Variants in ASAP1 observed in about 807,000 individuals in gnomAD.
ASAP1 encodes ArfGAP with SH3 domain, ankyrin repeat and PH domain 1.
A neutral mutation model predicts 145.2 loss-of-function variants in ASAP1; 43 were observed. The ratio of observed to expected loss-of-function variants is 0.30; its 90% CI spans 0.23 to 0.38. The LOEUF is 0.38. ASAP1 is among the 10% of genes least tolerant of loss of function. The pLI is 1.00. For missense variants in ASAP1, 1,018 were observed against 1,355.3 expected, an observed-to-expected ratio of 0.75 and a Z score of 3.91; for synonymous variants, 546 against 515.5, an observed-to-expected ratio of 1.06 and a Z score of -0.80.
intron 5 of ASAP1, among the ~76,000 whole-genome samples, chr8:130,212,022 G>C (rs772974820): frequency 6.6e-6 from 1 of 152,148 alleles, no homozygotes; most frequent in East Asian, 1.9e-4. Flanking sequence ...TGACCCCCTC[G>C]GGGTGAGTTG....
chr8:130,224,764 T>G (rs1817495198), intron 4 of ASAP1, among the ~76,000 whole-genome samples: 1 of 152,208 alleles, frequency 6.6e-6, no homozygotes, highest in Non-Finnish European at 1.5e-5. Flanking sequence ...GCTTTTGCCA[T>G]CAAAACACAA....
rs1408473497 is a variant in ASAP1, at chr8:130,188,201, AGAT to A, written c.406-21_406-19del. The A allele has an allele frequency of 1.9e-6, 3 of 1,589,154 alleles. No homozygotes were observed. Among genetic ancestry groups the A allele is most frequent in the Non-Finnish European group, 2.6e-6 (3 of 1,158,250 alleles). ...CCCTGGAGCTGAAAAAGCAAAGGGA[AGAT>A]GGGAGATGGTTAAAAAATAAAGTCC... On this transcript the variant is annotated intron_variant, in intron 5 of 29. Transcript: ENST00000518721.
rs1469827014 is a variant in ASAP1, at chr8:130,358,349, T to TCGGCGCGGGGCC, written c.60-218_60-207dup. 2.7e-5 allele frequency among the ~76,000 whole-genome samples: 4 copies of TCGGCGCGGGGCC among 146,832 alleles called. No individual in the cohort carries two copies. The highest frequency in any genetic ancestry group is 6.7e-5 in the Admixed American group (1 of 14,910). Reference sequence around the variant, plus strand: ...CAGGCGGCGGCGGCGCTGGCGGGGCTCGGCGCGGGGCCCTTCAAACTCCAA... The same window carrying TCGGCGCGGGGCC: ...CAGGCGGCGGCGGCGCTGGCGGGGCTCGGCGCGGGGCCCGGCGCGGGGCCCTTCAAACTCCAA... On this transcript the variant is annotated intron_variant, in intron 2 of 29. Transcript: ENST00000518721. The surrounding 1 kb of genome is among the most constrained non-coding windows in gnomAD (Gnocchi z 4.1).
At chr8:130,239,100 G>C (rs1017143214) in intron 3 of ASAP1, among the ~76,000 whole-genome samples, 2 of 152,090 alleles carry the variant, frequency 1.3e-5, no homozygotes, top group African/African-American at 2.4e-5. Context: ...AAATTACAAT[G>C]TACCTCTACC....
chr8:130,272,786 G>A (rs1424824677), intron 3 of ASAP1, among the ~76,000 whole-genome samples: 7 of 152,162 alleles, frequency 4.6e-5, no homozygotes, highest in Non-Finnish European at 2.9e-5. Context: ...CTCATATGTG[G>A]GAGCTAAAAA....
intron 3 of ASAP1, among the ~76,000 whole-genome samples, chr8:130,328,611 C>CTTT (rs35169399): frequency 2.2e-5 from 3 of 137,504 alleles, no homozygotes; most frequent in South Asian, 2.3e-4. Flanking sequence ...CTCAGTAGTT[C>CTTT]TTTTTTTTTT....
At chr8:130,348,782 C>T (rs1825836150) in intron 3 of ASAP1, among the ~76,000 whole-genome samples, 1 of 152,174 alleles carries the variant, frequency 6.6e-6, no homozygotes, top group Non-Finnish European at 1.5e-5. Context: ...AGTAAAGCAC[C>T]TAACCTAGCT....
At chr8:130,103,143 T>C (rs1224573470) in intron 24 of ASAP1, among the ~76,000 whole-genome samples, 1 of 152,198 alleles carries the variant, frequency 6.6e-6, no homozygotes, top group Non-Finnish European at 1.5e-5. Context: ...GGTTCAATCT[T>C]GGTGGTTGTT....
intron 25 of ASAP1, among the ~76,000 whole-genome samples, chr8:130,087,198 G>A (rs561017850): frequency 6.6e-6 from 1 of 152,090 alleles, no homozygotes; most frequent in Non-Finnish European, 1.5e-5. Context: ...ACAAATGTCG[G>A]GGAACCAAAG....
chr8:130,166,757 G>A (rs2097680619), intron 11 of ASAP1, among the ~76,000 whole-genome samples: 1 of 152,098 alleles, frequency 6.6e-6, no homozygotes, highest in South Asian at 2.1e-4. Flanking sequence ...CTAAGGATCT[G>A]TACTGCATTC....
intron 25 of ASAP1, 43 bp downstream of exon 25, chr8:130,091,930 G>A: frequency 6.1e-6 from 9 of 1,483,168 alleles, no homozygotes; most frequent in Non-Finnish European, 8.0e-6. Flanking sequence ...CCCACACGCT[G>A]CCTGGCCCCA....
At chr8:130,373,064 A>C (rs549316675) in intron 2 of ASAP1, among the ~76,000 whole-genome samples, 89 of 150,626 alleles carry the variant, frequency 5.9e-4, no homozygotes, top group Non-Finnish European at 1.0e-3. Flanking sequence ...ACACAGACAC[A>C]GACATAAGCA....
intron 12 of ASAP1, among the ~76,000 whole-genome samples, chr8:130,153,668 G>A (rs559241140): frequency 1.3e-5 from 2 of 151,958 alleles, no homozygotes; most frequent in Admixed American, 6.6e-5. Context: ...GTGACTGGCC[G>A]TGGCACTGCT....
intron 3 of ASAP1, among the ~76,000 whole-genome samples, chr8:130,273,921 T>G (rs1820728695): frequency 6.6e-6 from 1 of 152,064 alleles, no homozygotes; most frequent in South Asian, 2.1e-4. Context: ...AAAATCCCAT[T>G]AGTCCCAGCA....
intron 4 of ASAP1, among the ~76,000 whole-genome samples, chr8:130,229,747 A>C (rs573511716): frequency 6.6e-6 from 1 of 152,116 alleles, no homozygotes; most frequent in South Asian, 2.1e-4. Context: ...GCTTTAAAAA[A>C]CCCCAAAATA....
intron 3 of ASAP1, among the ~76,000 whole-genome samples, chr8:130,270,146 C>A (rs113733776): frequency 0.016 from 2,501 of 152,160 alleles, 69 homozygotes; most frequent in African/African-American, 0.055. Context: ...CTCCAGCCTG[C>A]GTGACAGAGC....
At chr8:130,279,988 A>C (rs1302796491) in intron 3 of ASAP1, among the ~76,000 whole-genome samples, 1 of 152,228 alleles carries the variant, frequency 6.6e-6, no homozygotes, top group Non-Finnish European at 1.5e-5. Context: ...TGTCTCATTC[A>C]GCAACTTTGT....
intron 2 of ASAP1, among the ~76,000 whole-genome samples, chr8:130,392,209 T>C (rs1468663785): frequency 6.6e-6 from 1 of 152,176 alleles, no homozygotes; most frequent in Non-Finnish European, 1.5e-5. Flanking sequence ...TAAGCATCTG[T>C]TTTTTAAAAA....
chr8:130,304,514 C>A (rs1054844020), intron 3 of ASAP1, among the ~76,000 whole-genome samples: 1 of 152,228 alleles, frequency 6.6e-6, no homozygotes, highest in Non-Finnish European at 1.5e-5. Context: ...CCAACCTTCA[C>A]GCATCTGCAC....
Sources: gnomAD v4.1 joint callset for allele counts (sites outside exome capture counted in the v4.1 genomes callset) on GRCh38, gnomAD v4.1.1 for gene constraint, Gnocchi (gnomAD v3.1) non-coding constraint, MANE v1.5 for transcripts, NCBI Gene and HGNC (gene_info 2026-07-23, HGNC 2026-07-21) for gene names.